The following FAM227B variants were observed in gnomAD, a reference collection of about 807,000 sequenced individuals.
FAM227B encodes the protein protein FAM227B.
Under a neutral mutation model 73.8 loss-of-function variants are expected in FAM227B, and 88 were observed. The observed-to-expected ratio is 1.19, with a 90% confidence interval of 1.00 to 1.42. The LOEUF (loss-of-function observed/expected upper bound fraction) is 1.42, where lower values mean the gene tolerates loss of function less well. Among genes scored for constraint, FAM227B ranks in the 40% most tolerant of loss-of-function variants. The probability of loss-of-function intolerance (pLI) is 0.00; values close to 1 mark genes in which losing one functional copy is unlikely to be tolerated. For synonymous variants in FAM227B, 210 were observed against 190.5 expected (o/e 1.10, Z -0.84); for missense variants, 632 against 590.9 (o/e 1.07, Z -0.72).
At chr15:49,577,712 T>C (rs762642669) in intron 5 of FAM227B, 48 bp from the exon 6 acceptor site, 1 of 1,205,402 alleles carries the variant, frequency 8.3e-7, no homozygotes, top group Non-Finnish European at 1.2e-6. Flanking sequence ...ATTAAAGAAA[T>C]TTTACATTTA....
chr15:49,613,178 C>G (rs1325552841), intron 2 of FAM227B, among the ~76,000 whole-genome samples: 1 of 151,940 alleles, frequency 6.6e-6, no homozygotes, highest in Non-Finnish European at 1.5e-5. Context: ...CAGCAAGAGC[C>G]AATCTCCATA....
At chr15:49,353,139 T>C (rs2042498301) in intron 13 of FAM227B, among the ~76,000 whole-genome samples, 2 of 152,318 alleles carry the variant, frequency 1.3e-5, no homozygotes, top group South Asian at 4.1e-4. Context: ...CAGCCACTGA[T>C]AGTGTGGAAA....
chr15:49,376,357 A>C (rs1285409938), intron 11 of FAM227B, among the ~76,000 whole-genome samples: 1 of 152,084 alleles, frequency 6.6e-6, no homozygotes, highest in African/African-American at 2.4e-5. Context: ...CCCAGTTGTC[A>C]CAGCAGTGCT....
chr15:49,436,792 CT>C (rs2051147093), intron 11 of FAM227B, among the ~76,000 whole-genome samples: 1 of 151,562 alleles, frequency 6.6e-6, no homozygotes, highest in African/African-American at 2.4e-5. Context: ...TATCACTATA[CT>C]GTCACTGGTG....
At chr15:49,365,285 T>C (rs896272037) in intron 13 of FAM227B, 72 of 1,506,910 alleles carry the variant, frequency 4.8e-5, no homozygotes, top group East Asian at 9.0e-5. Flanking sequence ...AGTTACTAAA[T>C]AGAGGAGAGC....
chr15:49,411,761 G>C (rs1190761440), intron 11 of FAM227B, among the ~76,000 whole-genome samples: 2 of 151,926 alleles, frequency 1.3e-5, no homozygotes, highest in African/African-American at 2.4e-5. Flanking sequence ...CTTATATTTG[G>C]AATCTCTCAA....
chr15:49,536,282 AAC>A (rs910914082), intron 10 of FAM227B, among the ~76,000 whole-genome samples: 16 of 151,762 alleles, frequency 1.1e-4, no homozygotes, highest in African/African-American at 3.9e-4. Context: ...ATATATTAAC[AAC>A]AGACTATCCA....
At chr15:49,401,088 C>T (rs1301636763) in intron 11 of FAM227B, among the ~76,000 whole-genome samples, 50 of 152,168 alleles carry the variant, frequency 3.3e-4, no homozygotes, top group Non-Finnish European at 5.7e-4. Flanking sequence ...AGAAAATTTT[C>T]GCAAACTACT....
intron 11 of FAM227B, chr15:49,485,522 T>C (rs960536767): frequency 2.0e-5 from 3 of 152,482 alleles, no homozygotes; most frequent in Non-Finnish European, 4.4e-5. Flanking sequence ...CTTTTAATTT[T>C]AAAGGAATAA....
chr15:49,354,552 G>A (rs1045802849), intron 13 of FAM227B, among the ~76,000 whole-genome samples: 3 of 152,188 alleles, frequency 2.0e-5, no homozygotes, highest in South Asian at 2.1e-4. Context: ...CTTAAAAAAC[G>A]GCGCACCACG....
Position 49,589,989 on chromosome 15 carries a change from T to C in FAM227B, c.124A>G (p.Ile42Val). 14 of 1,597,618 alleles carry C rather than the reference T, an allele frequency of 8.8e-6. No homozygotes were observed. Among genetic ancestry groups the C allele is most frequent in the Non-Finnish European group, 1.2e-5 (14 of 1,166,138 alleles). Reference sequence around the variant, plus strand: ...CATTTATCATCATCTCTAAAATGGATTTCCCTTGGCCAATAATCCTGCAAA... The same window carrying C: ...CATTTATCATCATCTCTAAAATGGACTTCCCTTGGCCAATAATCCTGCAAA... ...FQNWDYWPRE[I>V]HFRDDDKWSC... The change falls in exon 4 of 16, where the codon ATC becomes GTC. Residue 42 changes from isoleucine (I) to valine (V), a missense_variant. Ile to Val is a conservative substitution (Grantham distance 29, BLOSUM62 3). Coordinates refer to ENST00000299338, the MANE Select transcript of FAM227B (RefSeq NM_152647.3).
intron 3 of FAM227B, among the ~76,000 whole-genome samples, chr15:49,601,777 T>C (rs1013285970): frequency 6.6e-6 from 1 of 152,146 alleles, no homozygotes; most frequent in Non-Finnish European, 1.5e-5. Context: ...ACCATCCCCA[T>C]CTCCCCACAA....
intron 10 of FAM227B, among the ~76,000 whole-genome samples, chr15:49,517,112 T>C (rs2059428454): frequency 6.6e-6 from 1 of 152,200 alleles, no homozygotes; most frequent in Admixed American, 6.5e-5. Flanking sequence ...ATTTGTGTTG[T>C]TATAAATCAC....
At chr15:49,344,588 T>A (rs1280195577) in intron 13 of FAM227B, among the ~76,000 whole-genome samples, 1 of 152,190 alleles carries the variant, frequency 6.6e-6, no homozygotes, top group Non-Finnish European at 1.5e-5. Context: ...TCCCTCTGAA[T>A]TCGAAGGAAA....
chr15:49,588,591 A>G (rs1349185113), intron 4 of FAM227B, among the ~76,000 whole-genome samples: 1 of 103,764 alleles, frequency 9.6e-6, no homozygotes, highest in Admixed American at 9.3e-5. Context: ...ATATATATAT[A>G]TATATATATA....
Position 49,534,276 on chromosome 15 carries a change from T to C in FAM227B, c.874+7404A>G, listed in dbSNP as rs117748975. Among the ~76,000 whole-genome samples the C allele has an allele frequency of 2.1e-3, 321 of 151,930 alleles. 8 individuals carry two copies. In the East Asian group the frequency reaches 0.056, roughly 26 times the overall value. On this transcript the variant is annotated intron_variant, in intron 10 of 15. Transcript: ENST00000299338. ...CTACTTAAAGTTTCACCTCTCAATA[T>C]TACCATGCTGAGAAATAAGGTTCCA... is the stretch of plus-strand genomic sequence containing the variant.
chr15:49,534,448 CCAA>C (rs967416223), intron 10 of FAM227B, among the ~76,000 whole-genome samples: 2 of 151,594 alleles, frequency 1.3e-5, no homozygotes, highest in Admixed American at 6.6e-5. Context: ...ATATATGCAC[CCAA>C]CATCAGAGTG....
chr15:49,486,620 TAAA>T (rs1312779908), intron 11 of FAM227B: 1 of 151,940 alleles, frequency 6.6e-6, no homozygotes, highest in African/African-American at 2.4e-5. Flanking sequence ...TATATACATA[TAAA>T]ATACAAGCTA....
At chr15:49,592,386 C>G (rs893228566) in intron 3 of FAM227B, among the ~76,000 whole-genome samples, 10 of 152,176 alleles carry the variant, frequency 6.6e-5, no homozygotes, top group African/African-American at 2.2e-4. Context: ...TGATGCTATT[C>G]CTTTCTGTTT....
Sources: allele counts gnomAD v4.1 joint callset (sites outside exome capture counted in the v4.1 genomes callset), GRCh38; gene constraint gnomAD v4.1.1; transcripts MANE v1.5; gene names NCBI Gene and HGNC (gene_info 2026-07-23, HGNC 2026-07-21).